EPHA6: variants seen among roughly 807,000 people sequenced by gnomAD.
EPHA6 encodes the protein EPH receptor A6.
Under a neutral mutation model 112.0 loss-of-function variants are expected in EPHA6, and 50 were observed. That is an observed-to-expected ratio of 0.45 (90% CI 0.36 to 0.56). The LOEUF (loss-of-function observed/expected upper bound fraction) is 0.56. EPHA6 is among the 20% of genes least tolerant of loss of function. EPHA6 has a pLI of 0.00. For missense variants in EPHA6, 1,280 were observed against 1,417.4 expected (o/e 0.90, Z 1.56); for synonymous variants, 529 against 490.7 (o/e 1.08, Z -1.03).
chr3:97,153,716 T>C (rs1416475108), intron 3 of EPHA6, among the ~76,000 whole-genome samples: 1 of 152,152 alleles, frequency 6.6e-6, no homozygotes, highest in Admixed American at 6.5e-5. Context: ...GATTGTGCCA[T>C]GTGGAATTTC....
chr3:97,544,514 T>C (rs61322295), intron 11 of EPHA6, among the ~76,000 whole-genome samples: 31,995 of 152,148 alleles, frequency 0.21, 4,368 homozygotes, highest in African/African-American at 0.37. Flanking sequence ...CTGAGGATTT[T>C]TGCATCGATG....
chr3:97,171,879 G>T (rs758060188), intron 3 of EPHA6, among the ~76,000 whole-genome samples: 6 of 151,946 alleles, frequency 3.9e-5, no homozygotes, highest in Admixed American at 2.0e-4. Context: ...TAAACTATAG[G>T]TTAAAATTAT....
intron 2 of EPHA6, among the ~76,000 whole-genome samples, chr3:96,930,252 A>C (rs1027715878): frequency 3.3e-5 from 5 of 152,142 alleles, no homozygotes; most frequent in Admixed American, 6.6e-5. Flanking sequence ...CTCAGTTCTG[A>C]GCCCTTACTG....
At chr3:96,850,409 C>T (rs918858419) in intron 1 of EPHA6, among the ~76,000 whole-genome samples, 8 of 152,144 alleles carry the variant, frequency 5.3e-5, no homozygotes, top group Middle Eastern at 3.4e-3. Context: ...GTCCTAGAAG[C>T]CTTTAGAAAG....
intron 14 of EPHA6, among the ~76,000 whole-genome samples, chr3:97,642,653 T>C (rs1440070221): frequency 3.3e-5 from 5 of 152,074 alleles, no homozygotes; most frequent in Admixed American, 1.3e-4. Flanking sequence ...GCAGAAGTCT[T>C]AGGAGCCGAT....
At chr3:97,526,615 A>G (rs2107634391) in intron 10 of EPHA6, among the ~76,000 whole-genome samples, 1 of 152,054 alleles carries the variant, frequency 6.6e-6, no homozygotes, top group South Asian at 2.1e-4. Flanking sequence ...AGACTGTCCA[A>G]GTGCATCTCT....
At chr3:97,384,911 T>C (rs2085971655) in intron 5 of EPHA6, among the ~76,000 whole-genome samples, 1 of 152,188 alleles carries the variant, frequency 6.6e-6, no homozygotes, top group South Asian at 2.1e-4. Context: ...AGCAGTGATA[T>C]GCTGATGAGT....
intron 3 of EPHA6, among the ~76,000 whole-genome samples, chr3:97,074,471 A>C (rs2046455086): frequency 6.6e-6 from 1 of 151,978 alleles, no homozygotes; most frequent in Non-Finnish European, 1.5e-5. Context: ...TGTTCATTTT[A>C]AAATGGTGGT....
chr3:97,357,452 T>C (rs538764296), intron 5 of EPHA6, among the ~76,000 whole-genome samples: 1 of 152,294 alleles, frequency 6.6e-6, no homozygotes, highest in Admixed American at 6.5e-5. Flanking sequence ...TCCACCCTCC[T>C]CAGCCTCCCA....
chr3:97,607,619 A>G (rs1270772085), intron 12 of EPHA6, among the ~76,000 whole-genome samples: 1 of 151,118 alleles, frequency 6.6e-6, no homozygotes, highest in Non-Finnish European at 1.5e-5. Context: ...AGTCTCTTAA[A>G]TCAAATACAT....
intron 5 of EPHA6, among the ~76,000 whole-genome samples, chr3:97,374,566 G>C (rs1286794250): frequency 6.6e-6 from 1 of 151,924 alleles, no homozygotes. Context: ...TAAGGTTTAG[G>C]GTATGATTGA....
chr3:96,941,655 T>C (rs569996846), intron 2 of EPHA6, among the ~76,000 whole-genome samples: 5 of 152,348 alleles, frequency 3.3e-5, no homozygotes, highest in African/African-American at 1.2e-4. Flanking sequence ...CTGCGTTCCT[T>C]TGGAGGAGGA....
rs1004486126 is a variant in EPHA6, at chr3:97,509,325, G to C, written c.2201-23033G>C. ...GCATGTTTTTGCAGTGGCCGGTACCGGTTGTTCCATTGCATGTTTAGTGCT... is the reference window on the plus strand; with the variant it reads ...GCATGTTTTTGCAGTGGCCGGTACCCGTTGTTCCATTGCATGTTTAGTGCT... On this transcript the variant is annotated intron_variant, in intron 10 of 17. Coordinates refer to ENST00000389672, the MANE Select transcript of EPHA6 (RefSeq NM_001080448.3). 2.6e-5 allele frequency among the ~76,000 whole-genome samples: 4 copies of C among 151,966 alleles called. 1 individual carries two copies. The highest frequency in any genetic ancestry group is 2.9e-5 in the Non-Finnish European group (2 of 67,992).
intron 6 of EPHA6, among the ~76,000 whole-genome samples, chr3:97,440,397 G>T (rs1354610913): frequency 6.6e-6 from 1 of 151,684 alleles, no homozygotes; most frequent in African/African-American, 2.4e-5. Context: ...AATTGATATA[G>T]CATATTGCTC....
At chr3:97,677,483 G>A (rs925094719) in intron 14 of EPHA6, among the ~76,000 whole-genome samples, 6 of 152,030 alleles carry the variant, frequency 3.9e-5, no homozygotes, top group Non-Finnish European at 8.8e-5. Flanking sequence ...CATTTTGGGA[G>A]GCCAAGGTGG....
In EPHA6 at chr3:96,947,025, T is replaced by G. The variant is rs866968824; in HGVS notation, c.451-40305T>G. On this transcript the variant is annotated intron_variant, in intron 2 of 17. Coordinates refer to ENST00000389672, the MANE Select transcript of EPHA6 (RefSeq NM_001080448.3). ...TCGCCCACTTTTTGATGGGGCTGTT[T>G]GTTTGTTTTTTTTTTTGTAGATTTG... is the stretch of plus-strand genomic sequence containing the variant. Among the ~76,000 whole-genome samples the G allele has an allele frequency of 3.3e-5, 5 of 150,806 alleles. No individual in the cohort carries two copies. The South Asian group carries it at 8.3e-4, about 25-fold the overall frequency.
chr3:97,568,451 G>C (rs1302974378), intron 11 of EPHA6, among the ~76,000 whole-genome samples: 1 of 152,124 alleles, frequency 6.6e-6, no homozygotes, highest in Non-Finnish European at 1.5e-5. Flanking sequence ...GAATATTCAA[G>C]GCCCCCATTG....
chr3:97,550,905 A>G (rs943237020), intron 11 of EPHA6, among the ~76,000 whole-genome samples: 16 of 152,176 alleles, frequency 1.1e-4, no homozygotes, highest in African/African-American at 3.9e-4. Flanking sequence ...GAGTGAAAAG[A>G]AAGGAAAGAA....
intron 11 of EPHA6, among the ~76,000 whole-genome samples, chr3:97,558,014 C>G (rs1267989815): frequency 6.6e-6 from 1 of 151,942 alleles, no homozygotes; most frequent in African/African-American, 2.4e-5. Flanking sequence ...TCTTTGTAGA[C>G]ACAAGATGGA....
Sources: allele counts gnomAD v4.1 joint callset (sites outside exome capture counted in the v4.1 genomes callset), GRCh38; gene constraint gnomAD v4.1.1; transcripts MANE v1.5; gene names NCBI Gene and HGNC (gene_info 2026-07-23, HGNC 2026-07-21).